PDE10A: variants seen among roughly 807,000 people sequenced by gnomAD.
PDE10A encodes the protein cAMP and cAMP-inhibited cGMP 3',5'-cyclic phosphodiesterase 10A.
Under a neutral mutation model 97.7 loss-of-function variants are expected in PDE10A, and 39 were observed. That is an observed-to-expected ratio of 0.40 (90% CI 0.31 to 0.52). PDE10A has a LOEUF of 0.52. Ranked by LOEUF, PDE10A falls within the 20% of genes least tolerant of loss-of-function variation. The pLI, the probability that PDE10A is intolerant of heterozygous loss-of-function variation, is 0.56. For synonymous variants in PDE10A, 371 were observed against 376.8 expected, an observed-to-expected ratio of 0.98 and a Z score of 0.18; for missense variants, 731 against 1,047.8, an observed-to-expected ratio of 0.70 and a Z score of 4.17.
intron 1 of PDE10A, among the ~76,000 whole-genome samples, chr6:165,796,112 T>TTTTTTC (rs1562741090): frequency 2.7e-5 from 4 of 147,344 alleles, no homozygotes; most frequent in African/African-American, 1.0e-4. Flanking sequence ...TTTTTTTTTT[T>TTTTTTC]TGAGACGGAG....
In PDE10A at chr6:165,662,857, C is replaced by T. The variant is rs1790360731; in HGVS notation, c.-46G>A. Among the ~76,000 whole-genome samples, 1 of 149,864 alleles carries T rather than the reference C, an allele frequency of 6.7e-6. No homozygotes were observed. Among genetic ancestry groups the T allele is most frequent in the Non-Finnish European group, 1.5e-5 (1 of 67,124 alleles). On this transcript the variant is annotated 5_prime_UTR_variant, in exon 1 of 22. Transcript: ENST00000539869. ...AGGGGCAGGCCGCGGGCGGGAGGGG[C>T]GCGGCGGGCCGGGGCTCGGTGGGCT...
chr6:165,447,731 T>C (rs1457609441), intron 5 of PDE10A, among the ~76,000 whole-genome samples: 1 of 152,214 alleles, frequency 6.6e-6, no homozygotes, highest in African/African-American at 2.4e-5. Flanking sequence ...TTAGAAGTGG[T>C]AGTAATATCT....
At chr6:165,968,736 A>C (rs1024364733) in intron 1 of PDE10A, among the ~76,000 whole-genome samples, 4 of 152,242 alleles carry the variant, frequency 2.6e-5, no homozygotes, top group Non-Finnish European at 5.9e-5. Context: ...GATTATATCT[A>C]TGAGCAAAAA....
chr6:165,918,557 G>A (rs944881235), intron 1 of PDE10A, among the ~76,000 whole-genome samples: 3 of 152,178 alleles, frequency 2.0e-5, no homozygotes, highest in South Asian at 2.1e-4. Flanking sequence ...AGAATTGCTT[G>A]AATGACAAAC....
chr6:165,757,511 C>T (rs968683049), intron 1 of PDE10A, among the ~76,000 whole-genome samples: 2 of 151,724 alleles, frequency 1.3e-5, no homozygotes, highest in African/African-American at 4.8e-5. Context: ...TTATGGTTTC[C>T]TTTTTTCCAT....
chr6:165,386,751 C>G lies in PDE10A; in HGVS notation c.2610+1547G>C, dbSNP rs555799795. Reference sequence around the variant, plus strand: ...GGCGCGGTGGCTCACGCCTGTAATCCCAGCACTTTGGGAGGCTGAGGCGGG... The same window carrying G: ...GGCGCGGTGGCTCACGCCTGTAATCGCAGCACTTTGGGAGGCTGAGGCGGG... On this transcript the variant is annotated intron_variant, in intron 17 of 21. Transcript: ENST00000539869. Among the ~76,000 whole-genome samples the G allele has an allele frequency of 1.1e-4, 16 of 151,820 alleles. No homozygotes were observed. The East Asian group carries it at 3.1e-3, about 30-fold the overall frequency.
At chr6:165,591,357 T>C (rs1478878999) in intron 1 of PDE10A, among the ~76,000 whole-genome samples, 2 of 152,250 alleles carry the variant, frequency 1.3e-5, no homozygotes, top group Non-Finnish European at 2.9e-5. Context: ...TGGAATGAGG[T>C]ATAAGTTCTG....
intron 2 of PDE10A, among the ~76,000 whole-genome samples, chr6:165,516,393 T>C (rs112371823): frequency 0.042 from 6,455 of 152,290 alleles, 195 homozygotes; most frequent in Middle Eastern, 0.078. Context: ...TTATGAGTCA[T>C]AGTATTCTTA....
chr6:165,529,614 A>G (rs1782654040), intron 2 of PDE10A, among the ~76,000 whole-genome samples: 1 of 152,220 alleles, frequency 6.6e-6, no homozygotes, highest in Admixed American at 6.5e-5. Flanking sequence ...TGTTAAAAAC[A>G]TGATTGTGCG....
At chr6:165,538,653 T>C (rs1460776270) in intron 2 of PDE10A, among the ~76,000 whole-genome samples, 3 of 152,142 alleles carry the variant, frequency 2.0e-5, no homozygotes, top group Non-Finnish European at 4.4e-5. Flanking sequence ...TTTTTTACAT[T>C]AGGGGCCAAA....
At chr6:165,522,718 C>G (rs1782203255) in intron 2 of PDE10A, among the ~76,000 whole-genome samples, 1 of 151,936 alleles carries the variant, frequency 6.6e-6, no homozygotes, top group Admixed American at 6.6e-5. Flanking sequence ...TGAAACAAGA[C>G]AAGAATGTCC....
At chr6:165,958,912 G>A (rs896874340) in intron 1 of PDE10A, among the ~76,000 whole-genome samples, 1 of 152,146 alleles carries the variant, frequency 6.6e-6, no homozygotes, top group Non-Finnish European at 1.5e-5. Flanking sequence ...GGAAGCTGCT[G>A]TGTTAGCTCA....
At chr6:165,379,416 A>C (rs988460359) in intron 17 of PDE10A, 50 bp from the exon 18 acceptor site, 2 of 1,396,434 alleles carry the variant, frequency 1.4e-6, no homozygotes, top group Non-Finnish European at 2.0e-6. Context: ...ACAAGCTCTA[A>C]TCTTATGACA....
chr6:165,925,288 T>G (rs1195768143), intron 1 of PDE10A, among the ~76,000 whole-genome samples: 4 of 152,182 alleles, frequency 2.6e-5, no homozygotes, highest in Middle Eastern at 3.2e-3. Context: ...CACTCGTACA[T>G]TGCTGGTGGG....
intron 1 of PDE10A, among the ~76,000 whole-genome samples, chr6:165,730,766 C>A (rs1792413510): frequency 2.2e-5 from 2 of 89,540 alleles, no homozygotes; most frequent in East Asian, 5.6e-4. Flanking sequence ...AAAAAAAAAT[C>A]CGGGCCCGGT....
At chr6:165,710,950 TA>T (rs1791880485) in intron 1 of PDE10A, among the ~76,000 whole-genome samples, 1 of 152,152 alleles carries the variant, frequency 6.6e-6, no homozygotes, top group Non-Finnish European at 1.5e-5. Flanking sequence ...CTAAGAGCCG[TA>T]AGAGAATGCC....
At chr6:165,368,170 A>G (rs533654408) in intron 18 of PDE10A, among the ~76,000 whole-genome samples, 108 of 151,984 alleles carry the variant, frequency 7.1e-4, no homozygotes, top group African/African-American at 2.5e-3. Flanking sequence ...TAATTTTTGT[A>G]TTTTTACTAC....
At chr6:165,428,811 A>G (rs1213796194) in intron 9 of PDE10A, 102 bp from the exon 10 acceptor site, 16 of 541,012 alleles carry the variant, frequency 3.0e-5, no homozygotes, top group Admixed American at 2.9e-4. Flanking sequence ...TAAATAAAAA[A>G]CCATAAAGAT....
chr6:165,791,220 A>C (rs1360527689), intron 1 of PDE10A, among the ~76,000 whole-genome samples: 1 of 151,888 alleles, frequency 6.6e-6, no homozygotes, highest in African/African-American at 2.4e-5. Flanking sequence ...AAGCGTTGGA[A>C]GGGCAAGGTG....
Sources: allele counts gnomAD v4.1 joint callset (sites outside exome capture counted in the v4.1 genomes callset), GRCh38; gene constraint gnomAD v4.1.1; transcripts MANE v1.5; gene names NCBI Gene and HGNC (gene_info 2026-07-23, HGNC 2026-07-21).